The following NFATC2 variants were observed in gnomAD, a reference collection of about 807,000 sequenced individuals.
NFATC2 encodes the protein nuclear factor of activated T cells 2, also known as nuclear factor of activated T-cells, cytoplasmic 2.
NFATC2 carries 22 observed loss-of-function variants against 87.3 expected under a neutral mutation model. The ratio of observed to expected loss-of-function variants is 0.25; its 90% CI spans 0.18 to 0.36. The LOEUF (loss-of-function observed/expected upper bound fraction) is 0.36, where lower values mean the gene tolerates loss of function less well. Among genes scored for constraint, NFATC2 ranks in the 10% least tolerant of loss-of-function variants. The pLI is 1.00. For synonymous variants in NFATC2, 565 were observed against 542.2 expected (o/e 1.04, Z -0.58); for missense variants, 1,149 against 1,259.1 (o/e 0.91, Z 1.32).
At chr20:51,505,897 A>G (rs1267306118) in intron 3 of NFATC2, among the ~76,000 whole-genome samples, 2 of 152,222 alleles carry the variant, frequency 1.3e-5, no homozygotes, top group Non-Finnish European at 2.9e-5. Context: ...ATGAGAACAA[A>G]TGCTCCTTTT....
chr20:51,424,778 C>T (rs1348918493), intron 9 of NFATC2, among the ~76,000 whole-genome samples: 1 of 151,444 alleles, frequency 6.6e-6, no homozygotes, highest in Non-Finnish European at 1.5e-5. Context: ...CCTGTGTGTA[C>T]GTTTTACCAC....
At chr20:51,530,076 C>T (rs949132992) in intron 1 of NFATC2, among the ~76,000 whole-genome samples, 2 of 152,034 alleles carry the variant, frequency 1.3e-5, no homozygotes, top group Admixed American at 1.3e-4. Flanking sequence ...AAAGTCAAGA[C>T]CTAGGAACAG....
intron 3 of NFATC2, among the ~76,000 whole-genome samples, chr20:51,483,769 G>A (rs180763923): frequency 6.6e-6 from 1 of 151,922 alleles, no homozygotes; most frequent in East Asian, 1.9e-4. Context: ...TCCCATATTA[G>A]ATCCATCTCA....
intron 9 of NFATC2, among the ~76,000 whole-genome samples, chr20:51,424,924 C>T (rs1792977100): frequency 6.6e-6 from 1 of 151,326 alleles, no homozygotes; most frequent in Non-Finnish European, 1.5e-5. Context: ...AATTGGTTCT[C>T]TGCGGGAGGG....
chr20:51,523,526 G>A lies in NFATC2; in HGVS notation c.715C>T (p.Pro239Ser), dbSNP rs180999493. 6.8e-6 allele frequency: 11 copies of A among 1,613,414 alleles called. No homozygotes were observed. The highest frequency in any genetic ancestry group is 3.3e-4 in the Middle Eastern group (2 of 6,082). Residue 239 changes from proline (P) to serine (S), a missense_variant, in exon 2 of 11, where the codon CCC becomes TCC. Physicochemically the swap from Pro to Ser is moderately conservative, Grantham distance 74. Transcript: ENST00000371564. This position sits in a 1 kb window ranked among gnomAD's most constrained non-coding sequence, Gnocchi z 6.9. ...GATGAGGAGCGGGAGGCCGGACGGG[G>A]CACGGGCGAGTGGCGGCCCAGGCAG... ...DSCLGRHSPV[P>S]RPASRSSSPG...
intron 3 of NFATC2, among the ~76,000 whole-genome samples, chr20:51,492,917 C>T (rs1253773796): frequency 6.6e-6 from 1 of 152,264 alleles, no homozygotes; most frequent in Non-Finnish European, 1.5e-5. Context: ...GACGTATCCA[C>T]GGGCTCATGG....
chr20:51,472,901 G>A (rs147600449), intron 5 of NFATC2, among the ~76,000 whole-genome samples: 157 of 152,274 alleles, frequency 1.0e-3, no homozygotes, highest in African/African-American at 3.5e-3. Context: ...GATTACAGGT[G>A]TGAGCCACTG....
chr20:51,393,815 C>T (rs1007936042), intron 10 of NFATC2, among the ~76,000 whole-genome samples: 3 of 152,190 alleles, frequency 2.0e-5, no homozygotes, highest in African/African-American at 7.2e-5. Flanking sequence ...ACAGCCTCAG[C>T]TTTCTAAAAT....
chr20:51,412,221 A>C (rs1444984265), intron 9 of NFATC2, among the ~76,000 whole-genome samples: 6 of 152,058 alleles, frequency 3.9e-5, no homozygotes, highest in Non-Finnish European at 7.4e-5. Flanking sequence ...GCCTGGCCAG[A>C]GCCTGTTTTG....
chr20:51,508,491 C>T (rs2076220841), intron 3 of NFATC2, among the ~76,000 whole-genome samples: 1 of 152,062 alleles, frequency 6.6e-6, no homozygotes, highest in Non-Finnish European at 1.5e-5. Flanking sequence ...ATGAAATCAC[C>T]AGTCTCATCA....
intron 9 of NFATC2, among the ~76,000 whole-genome samples, chr20:51,404,533 A>T (rs1988369488): frequency 6.6e-6 from 1 of 152,240 alleles, no homozygotes; most frequent in African/African-American, 2.4e-5. Context: ...TATATATGGC[A>T]CTATGCCAAG....
chr20:51,405,257 G>A (rs1988446410), intron 9 of NFATC2, among the ~76,000 whole-genome samples: 1 of 152,058 alleles, frequency 6.6e-6, no homozygotes, highest in Non-Finnish European at 1.5e-5. Flanking sequence ...TCCACCACTA[G>A]ACTTCAATGA....
At chr20:51,554,511 G>A (rs1031187941) in intron 1 of NFATC2, among the ~76,000 whole-genome samples, 1 of 152,178 alleles carries the variant, frequency 6.6e-6, no homozygotes, top group South Asian at 2.1e-4. Context: ...CTGGAGGAAA[G>A]AAATAAATTG....
chr20:51,409,812 A>T (rs1196157046), intron 9 of NFATC2, among the ~76,000 whole-genome samples: 2 of 152,258 alleles, frequency 1.3e-5, no homozygotes, highest in Non-Finnish European at 2.9e-5. Context: ...TGGCAAAGAG[A>T]ACAGATGAAT....
chr20:51,411,350 T>C (rs1979195429), intron 9 of NFATC2, among the ~76,000 whole-genome samples: 1 of 151,836 alleles, frequency 6.6e-6, no homozygotes, highest in South Asian at 2.1e-4. Flanking sequence ...ACCACTGAAG[T>C]TCAAGGAGGA....
At chr20:51,411,874 A>G (rs1979311953) in intron 9 of NFATC2, among the ~76,000 whole-genome samples, 1 of 152,048 alleles carries the variant, frequency 6.6e-6, no homozygotes, top group Admixed American at 6.5e-5. Flanking sequence ...CACAGTAGGC[A>G]CTCTGCAGAT....
At chr20:51,458,446 G>A (rs1986798329) in intron 5 of NFATC2, among the ~76,000 whole-genome samples, 1 of 151,796 alleles carries the variant, frequency 6.6e-6, no homozygotes, top group Non-Finnish European at 1.5e-5. Context: ...CTGTTCTAGA[G>A]ATTCTGACTT....
At chr20:51,545,856 T>C (rs1260471244), upstream of NFATC2, among the ~76,000 whole-genome samples, 1 of 152,066 alleles carries the variant, frequency 6.6e-6, no homozygotes, top group African/African-American at 2.4e-5. Context: ...GATGGATGAA[T>C]GGATGGATGA....
At chr20:51,476,295 T>G (rs1988711129) in intron 3 of NFATC2, among the ~76,000 whole-genome samples, 1 of 140,620 alleles carries the variant, frequency 7.1e-6, no homozygotes, top group South Asian at 2.2e-4. Context: ...GAACTGTCAC[T>G]TCTTATATGA....
Sources: allele counts gnomAD v4.1 joint callset (sites outside exome capture counted in the v4.1 genomes callset), GRCh38; gene constraint gnomAD v4.1.1; non-coding constraint Gnocchi (gnomAD v3.1); transcripts MANE v1.5; gene names NCBI Gene and HGNC (gene_info 2026-07-23, HGNC 2026-07-21).